The following PCDHGB1 variants were observed in gnomAD, a reference collection of about 807,000 sequenced individuals.
The protein encoded by PCDHGB1 is protocadherin gamma-B1.
Under a neutral mutation model 56.6 loss-of-function variants are expected in PCDHGB1, and 34 were observed. The observed-to-expected ratio is 0.60, with a 90% CI of 0.46 to 0.80. PCDHGB1 has a LOEUF of 0.80. PCDHGB1 is among the 30% of genes least tolerant of loss of function. The pLI, the probability that PCDHGB1 is intolerant of heterozygous loss-of-function variation, is 0.00. For missense variants in PCDHGB1, 1,278 were observed against 1,204.6 expected (o/e 1.06, Z -0.90); for synonymous variants, 561 against 505.9 (o/e 1.11, Z -1.46).
At chr5:141,375,119 G>A in intron 1 of PCDHGB1, 1 of 1,613,940 alleles carries the variant, frequency 6.2e-7, no homozygotes, top group Non-Finnish European at 8.5e-7. Flanking sequence ...TAATGTACCA[G>A]AAGTGGTTGT....
At chr5:141,479,590 A>T (rs2099500448) in intron 1 of PCDHGB1, 1 of 152,182 alleles carries the variant, frequency 6.6e-6, no homozygotes, top group Non-Finnish European at 1.5e-5. Context: ...TAGCCACTGC[A>T]CTCCAGCCTA....
chr5:141,386,746 C>A (rs2090695980), intron 1 of PCDHGB1, among the ~76,000 whole-genome samples: 1 of 152,144 alleles, frequency 6.6e-6, no homozygotes, highest in Non-Finnish European at 1.5e-5. Context: ...GATCCTATGG[C>A]AGAACTACGG....
intron 1 of PCDHGB1, chr5:141,370,225 C>G: frequency 1.7e-6 from 1 of 577,904 alleles, no homozygotes; most frequent in Admixed American, 3.6e-5. Context: ...CCGCTGCAGC[C>G]AGCTCGGAAG....
At chr5:141,360,877 A>T (rs1025291723) in intron 1 of PCDHGB1, 1 of 1,613,942 alleles carries the variant, frequency 6.2e-7, no homozygotes, top group Non-Finnish European at 8.5e-7. Context: ...GGACGTGTAC[A>T]GGGTCACCCT....
At chr5:141,423,500 T>A (rs1191111288) in intron 1 of PCDHGB1, 1 of 1,613,732 alleles carries the variant, frequency 6.2e-7, no homozygotes, top group Non-Finnish European at 8.5e-7. Flanking sequence ...TCCCACGAGG[T>A]CTCTCTCATT....
chr5:141,413,699 A>T (rs2095668539), intron 1 of PCDHGB1: 2 of 1,613,762 alleles, frequency 1.2e-6, no homozygotes, highest in East Asian at 4.5e-5. Context: ...CAGAGCTATC[A>T]GCTCAGCCCC....
At chr5:141,356,243 C>T in intron 1 of PCDHGB1, 1 of 1,581,974 alleles carries the variant, frequency 6.3e-7, no homozygotes, top group Non-Finnish European at 8.6e-7. Flanking sequence ...CCAGAAGTCA[C>T]AGTTACATCT....
chr5:141,454,644 G>T (rs183290309), intron 1 of PCDHGB1, among the ~76,000 whole-genome samples: 2 of 151,892 alleles, frequency 1.3e-5, no homozygotes, highest in South Asian at 2.1e-4. Flanking sequence ...AACCTCAGGT[G>T]ATCTGCCCAC....
chr5:141,390,186 A>G (rs760464699), intron 1 of PCDHGB1: 1 of 1,614,048 alleles, frequency 6.2e-7, no homozygotes, highest in East Asian at 2.2e-5. Flanking sequence ...CCTAAAATGT[A>G]GTGAGCAGTT....
chr5:141,489,447 G>A lies in PCDHGB1; in HGVS notation c.2410-5360G>A. The A allele has an allele frequency of 5.6e-6, 9 of 1,614,134 alleles. No homozygotes were observed. The highest frequency in any genetic ancestry group is 7.6e-6 in the Non-Finnish European group (9 of 1,180,028). ...GCCGGCGGCTGCAATTGGGCTCTGA[G>A]GAGAATGGGCGCTATTTTTCCCTGA... On this transcript the variant is annotated intron_variant, in intron 1 of 3. Coordinates refer to ENST00000523390, the MANE Select transcript of PCDHGB1 (RefSeq NM_018922.3). This position sits in a 1 kb window ranked among gnomAD's most constrained non-coding sequence, Gnocchi z 4.5.
chr5:141,460,834 A>G (rs757757290), intron 1 of PCDHGB1, among the ~76,000 whole-genome samples: 11 of 151,874 alleles, frequency 7.2e-5, no homozygotes, highest in Non-Finnish European at 1.3e-4. Context: ...CACTTAAAGT[A>G]ATGGCCTCCA....
chr5:141,383,570 G>C (rs1312215313), intron 1 of PCDHGB1: 1 of 1,613,234 alleles, frequency 6.2e-7, no homozygotes, highest in South Asian at 1.1e-5. Flanking sequence ...CCCCGATCCA[G>C]CACCGCCCAC....
intron 1 of PCDHGB1, among the ~76,000 whole-genome samples, chr5:141,381,953 C>T (rs1588910432): frequency 1.3e-5 from 2 of 151,114 alleles, no homozygotes; most frequent in South Asian, 2.1e-4. Context: ...CCTCAGCCTC[C>T]TGAGTAGCTG....
At chr5:141,370,916 T>G in intron 1 of PCDHGB1, 1 of 1,614,016 alleles carries the variant, frequency 6.2e-7, no homozygotes, top group Non-Finnish European at 8.5e-7. Context: ...ACCTCAGCCC[T>G]GATCCGCACT....
At chr5:141,380,251 G>C (rs1158039296) in intron 1 of PCDHGB1, among the ~76,000 whole-genome samples, 1 of 152,122 alleles carries the variant, frequency 6.6e-6, no homozygotes, top group Non-Finnish European at 1.5e-5. Context: ...AATTGTCAAA[G>C]GGGAAGGAGT....
At position 141,490,776 on chromosome 5, in the gene PCDHGB1, G is replaced by A. The variant is rs1234115299; in HGVS notation, c.2410-4031G>A. 4.3e-6 allele frequency: 7 copies of A among 1,614,162 alleles called. No individual in the cohort carries two copies. Among genetic ancestry groups the A allele is most frequent in the African/African-American group, 1.3e-5 (1 of 75,066 alleles). On this transcript the variant is annotated intron_variant, in intron 1 of 3. Transcript: ENST00000523390. This position sits in a 1 kb window ranked among gnomAD's most constrained non-coding sequence, Gnocchi z 5.4. ...CCTCCTTTGTGTATGTCAACCCAGA[G>A]GATGGACGGATCTTTGCCCAGCGTA...
At chr5:141,365,398 C>G in intron 1 of PCDHGB1, 1 of 1,613,978 alleles carries the variant, frequency 6.2e-7, no homozygotes, top group South Asian at 1.1e-5. Flanking sequence ...CCAGTTCGAT[C>G]TCTGAAGACT....
Position 141,398,701 on chromosome 5 carries a change from C to T in PCDHGB1, c.2409+46032C>T, listed in dbSNP as rs757215015. On this transcript the variant is annotated intron_variant, in intron 1 of 3. Transcript: ENST00000523390. Reference sequence around the variant, plus strand: ...GGAGAAACAGGATGGTAGTAAATACCCGGAACTGGCACTGGAGAAAACCTT... The same window carrying T: ...GGAGAAACAGGATGGTAGTAAATACTCGGAACTGGCACTGGAGAAAACCTT... The T allele has an allele frequency of 1.2e-5, 20 of 1,613,658 alleles. No homozygotes were observed. In the Admixed American group the frequency reaches 3.3e-4, roughly 27 times the overall value.
At chr5:141,452,193 G>A (rs764434048) in intron 1 of PCDHGB1, among the ~76,000 whole-genome samples, 3 of 151,990 alleles carry the variant, frequency 2.0e-5, no homozygotes, top group Admixed American at 6.6e-5. Context: ...ACCTCAAATT[G>A]TTTTAGATGT....
Sources: allele counts gnomAD v4.1 joint callset (sites outside exome capture counted in the v4.1 genomes callset), GRCh38; gene constraint gnomAD v4.1.1; non-coding constraint Gnocchi (gnomAD v3.1); transcripts MANE v1.5; gene names NCBI Gene and HGNC (gene_info 2026-07-23, HGNC 2026-07-21).